CAMK1D: variants seen among roughly 807,000 people sequenced by gnomAD.
CAMK1D encodes calcium/calmodulin dependent protein kinase ID, also known as calcium/calmodulin-dependent protein kinase type 1D.
CAMK1D carries 9 observed loss-of-function variants against 47.7 expected under a neutral mutation model. That is an observed-to-expected ratio of 0.19 (90% CI 0.11 to 0.33). The LOEUF (loss-of-function observed/expected upper bound fraction) is 0.33, where lower values mean the gene tolerates loss of function less well. Among genes scored for constraint, CAMK1D ranks in the 10% least tolerant of loss-of-function variants. The pLI is 1.00. For missense variants in CAMK1D, 291 were observed against 488.7 expected (o/e 0.60, Z 3.81); for synonymous variants, 184 against 184.9 (o/e 0.99, Z 0.04).
intron 3 of CAMK1D, among the ~76,000 whole-genome samples, chr10:12,736,642 G>C (rs1835201968): frequency 1.3e-5 from 2 of 152,202 alleles, no homozygotes; most frequent in Non-Finnish European, 2.9e-5. Context: ...AGAAGTGCCT[G>C]CTGTATGCAT....
At chr10:12,822,367 C>T (rs1296926445) in intron 8 of CAMK1D, among the ~76,000 whole-genome samples, 1 of 152,210 alleles carries the variant, frequency 6.6e-6, no homozygotes, top group Non-Finnish European at 1.5e-5. Flanking sequence ...CCCACTGCTG[C>T]ACAGCCCAGG....
At chr10:12,486,352 G>A (rs1834215702) in intron 1 of CAMK1D, among the ~76,000 whole-genome samples, 1 of 152,094 alleles carries the variant, frequency 6.6e-6, no homozygotes, top group African/African-American at 2.4e-5. Context: ...TAGAGATGGG[G>A]TTTCACTGTG....
chr10:12,687,951 G>T (rs1832725352), intron 3 of CAMK1D, among the ~76,000 whole-genome samples: 1 of 152,164 alleles, frequency 6.6e-6, no homozygotes, highest in South Asian at 2.1e-4. Context: ...GATAGTCTTT[G>T]AGTATAGCCA....
chr10:12,512,408 T>A (rs1835066277), intron 1 of CAMK1D, among the ~76,000 whole-genome samples: 2 of 152,162 alleles, frequency 1.3e-5, no homozygotes, highest in Admixed American at 1.3e-4. Flanking sequence ...TTATTATTAT[T>A]TTTTTGAGAT....
intron 3 of CAMK1D, among the ~76,000 whole-genome samples, chr10:12,721,901 T>A (rs1469570712): frequency 6.6e-6 from 1 of 152,146 alleles, no homozygotes; most frequent in East Asian, 1.9e-4. Flanking sequence ...AGTAGGAGTT[T>A]TTAACAGTAG....
chr10:12,794,898 A>T (rs533167798), intron 6 of CAMK1D, among the ~76,000 whole-genome samples: 17 of 152,274 alleles, frequency 1.1e-4, no homozygotes, highest in African/African-American at 4.1e-4. Context: ...CAGTAGATTA[A>T]TCTCCTTATG....
In CAMK1D at chr10:12,792,390, T is replaced by C. The variant is rs184728246; in HGVS notation, c.641+1157T>C. On this transcript the variant is annotated intron_variant, in intron 6 of 10. Coordinates refer to ENST00000619168, the MANE Select transcript of CAMK1D (RefSeq NM_153498.4). The stretch of plus-strand genomic sequence containing the variant: ...AAATGCTTATTATGGAACATACTTT[T>C]AGGGTAGGCTTAGGCCAACTTGTTT... 1.4e-3 allele frequency among the ~76,000 whole-genome samples: 217 copies of C among 152,368 alleles called. 2 individuals are homozygous for C. Among genetic ancestry groups the C allele is most frequent in the African/African-American group, 5.0e-3 (207 of 41,586 alleles).
At chr10:12,507,961 AT>A (rs1345543842) in intron 1 of CAMK1D, among the ~76,000 whole-genome samples, 7 of 151,988 alleles carry the variant, frequency 4.6e-5, no homozygotes. Flanking sequence ...TTGTTCCCAG[AT>A]CTCTGAATGC....
At chr10:12,390,916 C>T (rs1838700877) in intron 1 of CAMK1D, among the ~76,000 whole-genome samples, 1 of 151,936 alleles carries the variant, frequency 6.6e-6, no homozygotes, top group African/African-American at 2.4e-5. Context: ...GGATGCTGTG[C>T]ATAGTCCTGA....
chr10:12,616,741 TCTC>T (rs999289028), intron 2 of CAMK1D, among the ~76,000 whole-genome samples: 3 of 152,116 alleles, frequency 2.0e-5, no homozygotes, highest in African/African-American at 7.2e-5. Context: ...ATGGTCTCGA[TCTC>T]CTGACCTCGT....
intron 2 of CAMK1D, among the ~76,000 whole-genome samples, chr10:12,573,830 A>ATTTTTTTTTTTTTT (rs1588648909): frequency 6.5e-5 from 3 of 46,154 alleles, no homozygotes; most frequent in African/African-American, 3.2e-4. Flanking sequence ...TATTAAAAAA[A>ATTTTTTTTTTTTTT]CTTTTTTTTT....
intron 1 of CAMK1D, among the ~76,000 whole-genome samples, chr10:12,538,811 G>A (rs1041213392): frequency 2.0e-5 from 3 of 149,392 alleles, no homozygotes; most frequent in East Asian, 2.0e-4. Flanking sequence ...GCTCTCCCTC[G>A]CAGCTTTTAT....
intron 1 of CAMK1D, among the ~76,000 whole-genome samples, chr10:12,543,002 C>A (rs1402695476): frequency 6.6e-6 from 1 of 152,028 alleles, no homozygotes; most frequent in Non-Finnish European, 1.5e-5. Flanking sequence ...ACTCCTCGGC[C>A]ACCCAAAGTG....
intron 1 of CAMK1D, among the ~76,000 whole-genome samples, chr10:12,371,712 A>G (rs1224806503): frequency 6.6e-6 from 1 of 151,822 alleles, no homozygotes; most frequent in East Asian, 2.0e-4. Flanking sequence ...CCTGGCCAAG[A>G]TGGTGAAACC....
At chr10:12,416,371 G>A (rs984670616) in intron 1 of CAMK1D, among the ~76,000 whole-genome samples, 2 of 152,176 alleles carry the variant, frequency 1.3e-5, no homozygotes, top group African/African-American at 2.4e-5. Flanking sequence ...GCATTTTGTC[G>A]GTGTATGTAA....
intron 3 of CAMK1D, among the ~76,000 whole-genome samples, chr10:12,681,846 T>A (rs1287198324): frequency 6.6e-6 from 1 of 152,192 alleles, no homozygotes; most frequent in Non-Finnish European, 1.5e-5. Flanking sequence ...AAATAGTAAT[T>A]ATTGAAAACA....
intron 2 of CAMK1D, among the ~76,000 whole-genome samples, chr10:12,658,564 A>G (rs1840183669): frequency 6.6e-6 from 1 of 152,000 alleles, no homozygotes; most frequent in Non-Finnish European, 1.5e-5. Flanking sequence ...CCCCAAGACC[A>G]CCCTGGCCCA....
At chr10:12,624,910 T>A (rs1839158789) in intron 2 of CAMK1D, among the ~76,000 whole-genome samples, 1 of 152,200 alleles carries the variant, frequency 6.6e-6, no homozygotes. Context: ...GGCCCAGGTT[T>A]CCTGGCTGAC....
Position 12,518,494 on chromosome 10 carries a change from A to ATTTTATT in CAMK1D, c.93-34727_93-34726insATTTTTT, listed in dbSNP as rs1554780959. 1.2e-4 allele frequency among the ~76,000 whole-genome samples: 4 copies of ATTTTATT among 32,240 alleles called. 1 individual carries two copies. Among genetic ancestry groups the ATTTTATT allele is most frequent in the Non-Finnish European group, 2.8e-4 (4 of 14,288 alleles). 21.2% of individuals were successfully genotyped at this position (32,240 alleles called of 152,430 possible). ...ATTCTTTTTTTATTTTTTATTTTTT[A>ATTTTATT]TTTTTTTTTTTTATTGATCATTCTT... On this transcript the variant is annotated intron_variant, in intron 1 of 10. Transcript: ENST00000619168.
Sources: gnomAD v4.1 joint callset for allele counts (sites outside exome capture counted in the v4.1 genomes callset) on GRCh38, gnomAD v4.1.1 for gene constraint, MANE v1.5 for transcripts, NCBI Gene and HGNC (gene_info 2026-07-23, HGNC 2026-07-21) for gene names.